DIAPH3: variants seen among roughly 807,000 people sequenced by gnomAD.
DIAPH3 encodes the protein diaphanous related formin 3.
In DIAPH3, 117 loss-of-function variants were observed where a neutral mutation model predicts 144.3. That is an observed-to-expected ratio of 0.81 (90% CI 0.70 to 0.95). The LOEUF (loss-of-function observed/expected upper bound fraction) is 0.95, where lower values mean the gene tolerates loss of function less well. Ranked by LOEUF, DIAPH3 falls within the 40% of genes least tolerant of loss-of-function variation. The pLI is 0.00. For missense variants in DIAPH3, 1,421 were observed against 1,412.7 expected (o/e 1.01, Z -0.09); for synonymous variants, 519 against 488.9 (o/e 1.06, Z -0.81).
intron 27 of DIAPH3, among the ~76,000 whole-genome samples, chr13:59,698,485 G>A (rs1472004540): frequency 6.6e-6 from 1 of 152,118 alleles, no homozygotes; most frequent in Non-Finnish European, 1.5e-5. Flanking sequence ...GAAAATCAGA[G>A]CTACCAAACA....
intron 25 of DIAPH3, among the ~76,000 whole-genome samples, chr13:59,778,900 A>C (rs542739806): frequency 6.6e-6 from 1 of 152,324 alleles, no homozygotes; most frequent in Non-Finnish European, 1.5e-5. Context: ...TACAATATAA[A>C]GTTCCAACTC....
At chr13:60,112,783 C>G (rs998659970) in intron 2 of DIAPH3, among the ~76,000 whole-genome samples, 1 of 152,062 alleles carries the variant, frequency 6.6e-6, no homozygotes, top group African/African-American at 2.4e-5. Flanking sequence ...AAGAAATAAA[C>G]CTAGATTTTT....
intron 4 of DIAPH3, among the ~76,000 whole-genome samples, chr13:60,067,448 T>C (rs889368595): frequency 4.6e-5 from 7 of 152,030 alleles, no homozygotes; most frequent in African/African-American, 1.7e-4. Flanking sequence ...CCAACCAACA[T>C]CTATTAAATG....
rs184289511 is a variant in DIAPH3 at position 59,908,017 on chromosome 13, A to G, written c.2367+3718T>C. Among the ~76,000 whole-genome samples, 39 of 152,300 alleles carry G rather than the reference A, an allele frequency of 2.6e-4. 1 individual carries two copies. Among genetic ancestry groups the G allele is most frequent in the Middle Eastern group, 3.4e-3 (1 of 294 alleles). ...GACATAATTCCCACAGTAAATTTGT[A>G]TACCATACTCTACAGGATATAGAGC... On this transcript the variant is annotated intron_variant, in intron 20 of 27. Coordinates refer to ENST00000400324, the MANE Select transcript of DIAPH3 (RefSeq NM_001042517.2).
At chr13:60,021,167 A>T (rs907947881) in intron 5 of DIAPH3, among the ~76,000 whole-genome samples, 6 of 152,228 alleles carry the variant, frequency 3.9e-5, no homozygotes, top group African/African-American at 9.7e-5. Flanking sequence ...ATATTACCTC[A>T]TGTAGCAAAG....
chr13:59,849,953 T>C (rs1214535973), intron 22 of DIAPH3, among the ~76,000 whole-genome samples: 5 of 146,864 alleles, frequency 3.4e-5, no homozygotes, highest in African/African-American at 1.0e-4. Flanking sequence ...CCCATGAGCA[T>C]GGAATGTTCT....
At chr13:60,116,272 A>C (rs916965149) in intron 2 of DIAPH3, among the ~76,000 whole-genome samples, 3 of 152,100 alleles carry the variant, frequency 2.0e-5, no homozygotes, top group Admixed American at 6.5e-5. Context: ...AGGTATGTGA[A>C]ATGTATTATA....
chr13:59,772,510 T>C (rs778763098), intron 27 of DIAPH3, among the ~76,000 whole-genome samples: 5 of 152,068 alleles, frequency 3.3e-5, no homozygotes, highest in Non-Finnish European at 7.4e-5. Context: ...CAGTACACAT[T>C]AGCTTTATAA....
At chr13:60,086,044 C>T (rs990992337) in intron 4 of DIAPH3, among the ~76,000 whole-genome samples, 2 of 151,938 alleles carry the variant, frequency 1.3e-5, no homozygotes, top group Non-Finnish European at 2.9e-5. Flanking sequence ...GCAGTTTTTC[C>T]ATATCTGATG....
intron 22 of DIAPH3, among the ~76,000 whole-genome samples, chr13:59,843,206 A>G (rs925991939): frequency 1.3e-5 from 2 of 152,172 alleles, no homozygotes; most frequent in Non-Finnish European, 2.9e-5. Flanking sequence ...GGCAAAGACC[A>G]AATATTTACT....
intron 22 of DIAPH3, among the ~76,000 whole-genome samples, chr13:59,860,562 C>T (rs984381836): frequency 6.6e-6 from 1 of 151,972 alleles, no homozygotes; most frequent in African/African-American, 2.4e-5. Context: ...CATGGTGAAA[C>T]CCCGTCTCTA....
intron 3 of DIAPH3, among the ~76,000 whole-genome samples, chr13:60,105,130 C>T (rs2058384736): frequency 1.1e-5 from 1 of 91,050 alleles, no homozygotes; most frequent in African/African-American, 4.4e-5. Context: ...AAAAAACTGC[C>T]AGTGATGAAA....
chr13:59,786,967 T>C (rs2039066167), intron 25 of DIAPH3, among the ~76,000 whole-genome samples: 1 of 151,364 alleles, frequency 6.6e-6, no homozygotes, highest in Admixed American at 6.6e-5. Context: ...GCCAGTATGG[T>C]GGTGCATGCC....
intron 24 of DIAPH3, among the ~76,000 whole-genome samples, chr13:59,831,075 T>C (rs912507257): frequency 3.9e-5 from 6 of 151,906 alleles, no homozygotes; most frequent in Non-Finnish European, 8.8e-5. Context: ...CTGAGCTGGA[T>C]ATGTTCCTTC....
rs527423049 is a variant in DIAPH3, at chr13:60,159,400, T to C, written c.180+4187A>G. 1.3e-4 allele frequency among the ~76,000 whole-genome samples: 19 copies of C among 150,942 alleles called. No individual in the cohort carries two copies. The South Asian group carries it at 3.8e-3, about 30-fold the overall frequency. ...CAGCACTTTGGGAGGCCGAAGCGGG[T>C]GGATCACTTGAGGTCAGGAGTTCAA... On this transcript the variant is annotated intron_variant, in intron 1 of 27. Transcript: ENST00000400324.
At chr13:59,751,642 G>A (rs1384675797) in intron 27 of DIAPH3, among the ~76,000 whole-genome samples, 2 of 152,192 alleles carry the variant, frequency 1.3e-5, no homozygotes, top group Admixed American at 6.5e-5. Flanking sequence ...TTGTATGAAA[G>A]AAGGTGTAAC....
intron 3 of DIAPH3, among the ~76,000 whole-genome samples, chr13:60,098,459 T>C (rs2058172677): frequency 6.6e-6 from 1 of 152,024 alleles, no homozygotes; most frequent in African/African-American, 2.4e-5. Context: ...ACTCATCACC[T>C]GGGGCATGGG....
chr13:59,707,809 G>A (rs990534879), intron 27 of DIAPH3, among the ~76,000 whole-genome samples: 8 of 151,756 alleles, frequency 5.3e-5, no homozygotes, highest in African/African-American at 1.9e-4. Context: ...CATTTCTACC[G>A]ATGAACTGTC....
intron 20 of DIAPH3, among the ~76,000 whole-genome samples, chr13:59,910,724 T>C (rs1299592952): frequency 1.3e-5 from 2 of 149,150 alleles, no homozygotes; most frequent in South Asian, 2.1e-4. Flanking sequence ...AGCAAGATTC[T>C]GTCTCAAGTA....
Sources: gnomAD v4.1 joint callset for allele counts (sites outside exome capture counted in the v4.1 genomes callset) on GRCh38, gnomAD v4.1.1 for gene constraint, MANE v1.5 for transcripts, NCBI Gene and HGNC (gene_info 2026-07-23, HGNC 2026-07-21) for gene names.